Variants in SFI1 observed in about 807,000 individuals in gnomAD.
SFI1 encodes SFI1 centrin binding protein.
In SFI1, 195 loss-of-function variants were observed where a neutral mutation model predicts 207.5. The observed-to-expected ratio is 0.94, with a 90% CI of 0.84 to 1.06. The LOEUF (loss-of-function observed/expected upper bound fraction) is 1.06, where lower values mean the gene tolerates loss of function less well. SFI1 is among the 50% of genes least tolerant of loss of function. The probability of loss-of-function intolerance (pLI) is 0.00; values close to 1 mark genes in which losing one functional copy is unlikely to be tolerated. For missense variants in SFI1, 1,634 were observed against 1,588.0 expected (o/e 1.03, Z -0.49); for synonymous variants, 630 against 598.9 (o/e 1.05, Z -0.76).
intron 14 of SFI1, among the ~76,000 whole-genome samples, chr22:31,586,301 A>G (rs2065021610): frequency 6.6e-6 from 1 of 152,088 alleles, no homozygotes; most frequent in South Asian, 2.1e-4. Context: ...CATTCATCTT[A>G]TAGTTGTTCA....
intron 28 of SFI1, 93 bp downstream of exon 28, chr22:31,614,953 C>A (rs556267198): frequency 4.4e-6 from 7 of 1,574,316 alleles, no homozygotes; most frequent in Non-Finnish European, 6.1e-6. Context: ...TGTGTTTTGG[C>A]AGCCCTGGGG....
In SFI1 at chr22:31,611,850, CAGG is replaced by C; in HGVS notation, c.2490+13_2490+15del. On this transcript the variant is annotated intron_variant, in intron 24 of 32. Transcript: ENST00000400288. ...CCAGTGGAGACAACAGGTGGGAACCCAGGAGATGTCCCCTCTGCACTTCCTTCT... is the reference window on the plus strand; with the variant it reads ...CCAGTGGAGACAACAGGTGGGAACCCAGATGTCCCCTCTGCACTTCCTTCT... The C allele has an allele frequency of 6.2e-7, 1 of 1,613,698 alleles. No individual in the cohort carries two copies. Among genetic ancestry groups the C allele is most frequent in the South Asian group, 1.1e-5 (1 of 91,038 alleles).
chr22:31,507,423 A>C (rs1176382253), intron 1 of SFI1, among the ~76,000 whole-genome samples: 1 of 152,250 alleles, frequency 6.6e-6, no homozygotes, highest in African/African-American at 2.4e-5. Flanking sequence ...TCTAGGCAAT[A>C]CCATTCAAGA....
intron 6 of SFI1, among the ~76,000 whole-genome samples, chr22:31,552,815 C>A (rs1337212977): frequency 6.6e-6 from 1 of 151,998 alleles, no homozygotes; most frequent in Non-Finnish European, 1.5e-5. Context: ...TGTTCCCTTT[C>A]TCCACGTGCA....
At chr22:31,502,066 G>T (rs1039925375) in intron 1 of SFI1, among the ~76,000 whole-genome samples, 9 of 152,112 alleles carry the variant, frequency 5.9e-5, no homozygotes, top group African/African-American at 2.2e-4. Context: ...CCCTGAACTG[G>T]AATAAGTGGG....
chr22:31,549,603 G>A (rs2060443506), intron 5 of SFI1, among the ~76,000 whole-genome samples: 1 of 151,690 alleles, frequency 6.6e-6, no homozygotes, highest in Non-Finnish European at 1.5e-5. Flanking sequence ...AACCTCAGGT[G>A]GTCTGCCTGC....
chr22:31,529,467 A>G (rs1400812393), intron 3 of SFI1, among the ~76,000 whole-genome samples: 1 of 152,174 alleles, frequency 6.6e-6, no homozygotes, highest in African/African-American at 2.4e-5. Flanking sequence ...CCGAGGTTGC[A>G]GTGAGCTGAA....
intron 6 of SFI1, among the ~76,000 whole-genome samples, chr22:31,551,257 G>A (rs991399962): frequency 6.6e-6 from 1 of 152,044 alleles, no homozygotes; most frequent in Non-Finnish European, 1.5e-5. Flanking sequence ...TTGGTATGTC[G>A]TACAAGGTCT....
chr22:31,561,105 A>T (rs999996689), intron 7 of SFI1, among the ~76,000 whole-genome samples, 185 bp from the exon 8 acceptor site: 16 of 152,130 alleles, frequency 1.1e-4, no homozygotes, highest in African/African-American at 3.9e-4. Flanking sequence ...TCCAACCATT[A>T]ATGGGCAGAT....
chr22:31,518,032 G>A (rs2056760178), intron 2 of SFI1, among the ~76,000 whole-genome samples: 2 of 152,028 alleles, frequency 1.3e-5, no homozygotes, highest in East Asian at 1.9e-4. Flanking sequence ...TTCCTCTGTC[G>A]CCCAGCAGGA....
chr22:31,601,563 C>G (rs2068104734), intron 15 of SFI1, among the ~76,000 whole-genome samples: 1 of 152,188 alleles, frequency 6.6e-6, no homozygotes, highest in South Asian at 2.1e-4. Context: ...TCAGCATGCA[C>G]TGGAAAGGGC....
chr22:31,586,820 G>C (rs1412553643), intron 14 of SFI1, among the ~76,000 whole-genome samples: 1 of 152,156 alleles, frequency 6.6e-6, no homozygotes, highest in East Asian at 1.9e-4. Flanking sequence ...TCCAGGGTCA[G>C]CGTTTTCATC....
At chr22:31,553,450 G>T (rs781532019) in intron 6 of SFI1, among the ~76,000 whole-genome samples, 2 of 151,594 alleles carry the variant, frequency 1.3e-5, no homozygotes, top group Non-Finnish European at 2.9e-5. Flanking sequence ...CGACCTCCCG[G>T]GTTTAAGTGA....
intron 10 of SFI1, 188 bp from the exon 11 acceptor site, chr22:31,578,194 C>G: frequency 2.5e-6 from 1 of 398,956 alleles, no homozygotes; most frequent in Admixed American, 4.2e-5. Flanking sequence ...GATGTTTGAT[C>G]AGTAACTGAC....
chr22:31,583,801 G>C, intron 12 of SFI1, 74 bp from the exon 13 acceptor site: 1 of 1,332,644 alleles, frequency 7.5e-7, no homozygotes, highest in South Asian at 1.2e-5. Context: ...GGAGCTCACA[G>C]TCTGTTGGAG....
At chr22:31,551,254 G>A (rs1210658910) in intron 6 of SFI1, among the ~76,000 whole-genome samples, 1 of 152,130 alleles carries the variant, frequency 6.6e-6, no homozygotes, top group Non-Finnish European at 1.5e-5. Flanking sequence ...TGCTTGGTAT[G>A]TCGTACAAGG....
intron 4 of SFI1, among the ~76,000 whole-genome samples, chr22:31,542,975 CTTTTTT>C (rs377269654): frequency 8.0e-6 from 1 of 124,840 alleles, no homozygotes; most frequent in African/African-American, 3.0e-5. Flanking sequence ...TTTTTTTTTT[CTTTTTT>C]TTTTTTTTGA....
chr22:31,527,094 G>A (rs1452302037), intron 2 of SFI1, among the ~76,000 whole-genome samples: 1 of 151,596 alleles, frequency 6.6e-6, no homozygotes, highest in Non-Finnish European at 1.5e-5. Context: ...ACGGGATTTC[G>A]CCATGTTGGC....
chr22:31,582,408 C>T (rs973934947), intron 12 of SFI1, among the ~76,000 whole-genome samples: 1 of 150,114 alleles, frequency 6.7e-6, no homozygotes. Context: ...CACACCATCA[C>T]GCCTGGCCAA....
Sources: allele counts gnomAD v4.1 joint callset (sites outside exome capture counted in the v4.1 genomes callset), GRCh38; gene constraint gnomAD v4.1.1; transcripts MANE v1.5; gene names NCBI Gene and HGNC (gene_info 2026-07-23, HGNC 2026-07-21).